BCLAF1: variants seen among roughly 807,000 people sequenced by gnomAD.
BCLAF1 encodes the protein BCL2 associated transcription factor 1, also known as bcl-2-associated transcription factor 1.
Under a neutral mutation model 99.5 loss-of-function variants are expected in BCLAF1, and 10 were observed. That is an observed-to-expected ratio of 0.10 (90% CI 0.06 to 0.17). The LOEUF (loss-of-function observed/expected upper bound fraction) is 0.17. Ranked by LOEUF, BCLAF1 falls within the 10% of genes least tolerant of loss-of-function variation. BCLAF1 has a pLI of 1.00. For missense variants in BCLAF1, 636 were observed against 1,105.8 expected (o/e 0.58, Z 6.02); for synonymous variants, 255 against 370.9 (o/e 0.69, Z 3.59).
Position 136,258,092 on chromosome 6 carries a change from T to C in BCLAF1, c.*3018A>G, listed in dbSNP as rs1249533130. On this transcript the variant is annotated 3_prime_UTR_variant, in exon 13 of 13. Transcript: ENST00000531224. ...TGAGTCAAAATGTGTCAGTTTGTCT[T>C]AGTACACAAATTTCTGTGAAAATGC... 1 of 152,124 alleles carries C rather than the reference T, an allele frequency of 6.6e-6. No homozygotes were observed. The highest frequency in any genetic ancestry group is 1.5e-5 in the Non-Finnish European group (1 of 67,944). 9.4% of individuals were successfully genotyped at this position (152,124 alleles called of 1,614,324 possible).
Position 136,256,715 on chromosome 6 carries a change from A to T in BCLAF1, c.*4395T>A. 6.3e-6 allele frequency: 1 copy of T among 159,512 alleles called. No homozygotes were observed. The highest frequency in any genetic ancestry group is 1.3e-5 in the Non-Finnish European group (1 of 75,828). 9.9% of individuals were successfully genotyped at this position (159,512 alleles called of 1,614,324 possible). The stretch of plus-strand genomic sequence containing the variant: ...AATAAATAAATAAATAAATAATTCA[A>T]AGTGCATTTAACATTCTTTTTCACG... On this transcript the variant is annotated 3_prime_UTR_variant, in exon 13 of 13. Coordinates refer to ENST00000531224, the MANE Select transcript of BCLAF1 (RefSeq NM_014739.3).
Position 136,259,662 on chromosome 6 carries a change from A to T in BCLAF1, c.*1448T>A, listed in dbSNP as rs1780734986. The T allele has an allele frequency of 6.6e-6, 1 of 152,050 alleles. No individual in the cohort carries two copies. Among genetic ancestry groups the T allele is most frequent in the Non-Finnish European group, 1.5e-5 (1 of 67,910 alleles). 9.4% of individuals were successfully genotyped at this position (152,050 alleles called of 1,614,324 possible). A position where few individuals can be genotyped will look rare whatever the true frequency, so the allele number is the denominator to read the frequency against. On this transcript the variant is annotated 3_prime_UTR_variant, in exon 13 of 13. Transcript: ENST00000531224. ...GTTTTGTTTCCAACAGTTCTTAACC[A>T]ATGTTCCTGGCTGTAATCTAGGTGC...
intron 8 of BCLAF1, among the ~76,000 whole-genome samples, chr6:136,270,801 T>G (rs1782404893): frequency 6.6e-6 from 1 of 151,846 alleles, no homozygotes; most frequent in Non-Finnish European, 1.5e-5. Context: ...AAATCTGGTC[T>G]ATGTAATGAG....
chr6:136,281,012 G>A (rs1033422497), intron 2 of BCLAF1, among the ~76,000 whole-genome samples: 3 of 151,950 alleles, frequency 2.0e-5, no homozygotes, highest in South Asian at 2.1e-4. Context: ...GACTTTGTTC[G>A]GTATAATAAA....
chr6:136,280,105 C>T (rs1040232811), intron 2 of BCLAF1, among the ~76,000 whole-genome samples: 1 of 152,084 alleles, frequency 6.6e-6, no homozygotes, highest in Admixed American at 6.5e-5. Flanking sequence ...AAGATTTTTA[C>T]GGACTGCCCC....
chr6:136,264,332 G>C (rs1218534519), intron 11 of BCLAF1, among the ~76,000 whole-genome samples: 1 of 151,922 alleles, frequency 6.6e-6, no homozygotes, highest in Non-Finnish European at 1.5e-5. Context: ...TCAGCCTCCC[G>C]AGTAGTTGGG....
At chr6:136,284,099 T>C (rs1784747388) in intron 1 of BCLAF1, among the ~76,000 whole-genome samples, 2 of 139,264 alleles carry the variant, frequency 1.4e-5, no homozygotes, top group Admixed American at 1.5e-4. Flanking sequence ...CTAATTTATA[T>C]ATATATATAC....
Position 136,258,214 on chromosome 6 carries a change from CTA to C in BCLAF1, c.*2894_*2895del, listed in dbSNP as rs1780576416. On this transcript the variant is annotated 3_prime_UTR_variant, in exon 13 of 13. Coordinates refer to ENST00000531224, the MANE Select transcript of BCLAF1 (RefSeq NM_014739.3). Reference sequence around the variant, plus strand: ...ATTCTTTTTACTTATTTACTAGCTACTATGTTTTTAGAAAGAGAAGTAATCAC... The same window carrying C: ...ATTCTTTTTACTTATTTACTAGCTACTGTTTTTAGAAAGAGAAGTAATCAC... 6.6e-6 allele frequency: 1 copy of C among 151,932 alleles called. No individual in the cohort carries two copies. The allele number at this position is 151,932 out of a possible 1,614,324, so 9.4% of individuals were successfully genotyped here. A position where few individuals can be genotyped will look rare whatever the true frequency, so the allele number is the denominator to read the frequency against.
chr6:136,285,349 T>C (rs1465494433), intron 1 of BCLAF1, among the ~76,000 whole-genome samples: 1 of 152,120 alleles, frequency 6.6e-6, no homozygotes, highest in Non-Finnish European at 1.5e-5. Flanking sequence ...GCCCTTAAAT[T>C]CTAGGTTTTA....
intron 8 of BCLAF1, 168 bp from the exon 9 acceptor site, chr6:136,269,780 T>C (rs1248173342): frequency 2.2e-6 from 1 of 465,050 alleles, no homozygotes; most frequent in Non-Finnish European, 3.6e-6. Context: ...AAAAATGTAC[T>C]TGACTATTTT....
intron 7 of BCLAF1, 36 bp downstream of exon 7, chr6:136,273,046 C>T (rs1451949319): frequency 1.3e-6 from 2 of 1,520,628 alleles, no homozygotes. Flanking sequence ...CCTATCAAAA[C>T]AACGTTTTTA....
rs1317840983 is a variant in BCLAF1 at position 136,278,209 on chromosome 6, T to C, written c.672A>G (p.Arg224=). Residue 224 remains arginine (R), a synonymous_variant, in exon 4 of 13, where the codon AGA becomes AGG. Coordinates refer to ENST00000531224, the MANE Select transcript of BCLAF1 (RefSeq NM_014739.3). ...CAATAGGTGAAGGACTATGGGGTGA[T>C]CTAGGACTATTATCATAAGCTGAAA... ...PGLSAYDNSP[R]SPHSPSPIAT... is the part of the protein sequence containing the mutation. The C allele has an allele frequency of 1.9e-6, 3 of 1,614,156 alleles. No individual in the cohort carries two copies. The highest frequency in any genetic ancestry group is 1.7e-5 in the Admixed American group (1 of 59,982).
chr6:136,285,494 T>TC (rs1307816055), intron 1 of BCLAF1, among the ~76,000 whole-genome samples: 1 of 152,208 alleles, frequency 6.6e-6, no homozygotes, highest in African/African-American at 2.4e-5. Flanking sequence ...TCCGGTGCTC[T>TC]CTCTTCAATA....
rs35195968 is a variant in BCLAF1 at position 136,256,669 on chromosome 6, C to CAATAAATA, written c.*4433_*4440dup. 13,410 of 152,504 alleles carry CAATAAATA rather than the reference C, an allele frequency of 0.088. 668 individuals carry two copies. The highest frequency in any genetic ancestry group is 0.1 in the African/African-American group (4,099 of 39,240). 9.4% of individuals were successfully genotyped at this position (152,504 alleles called of 1,614,324 possible). A position where few individuals can be genotyped will look rare whatever the true frequency, so the allele number is the denominator to read the frequency against. ...CTCTAGTCTGGGTAAGACTCCATCT[C>CAATAAATA]AATAAATAAATAAATAAATAAATAA... On this transcript the variant is annotated 3_prime_UTR_variant, in exon 13 of 13. Transcript: ENST00000531224.
Position 136,273,119 on chromosome 6 carries a change from C to T in BCLAF1, c.1921G>A (p.Glu641Lys). 6.2e-7 allele frequency: 1 copy of T among 1,612,158 alleles called. No homozygotes were observed. Residue 641 changes from glutamate (E) to lysine (K), a missense_variant, in exon 7 of 13, where the codon GAA becomes AAA. Coordinates refer to ENST00000531224, the MANE Select transcript of BCLAF1 (RefSeq NM_014739.3). ...RFTSYQKATE[E>K]HSTRQKSPEI... Reference sequence around the variant, plus strand: ...GGGCTCTTTTGCCGAGTACTATGTTCTTCAGTGGCTTTCTGATACGAAGTG... The same window carrying T: ...GGGCTCTTTTGCCGAGTACTATGTTTTTCAGTGGCTTTCTGATACGAAGTG...
intron 3 of BCLAF1, 93 bp from the exon 4 acceptor site, chr6:136,278,869 G>A (rs1783959009): frequency 1.6e-6 from 2 of 1,219,142 alleles, no homozygotes; most frequent in East Asian, 2.6e-5. Context: ...TAAATAAACA[G>A]TAAAGGCAAA....
rs1166450628 is a variant in BCLAF1 at position 136,278,755 on chromosome 6, T to C, written c.126A>G (p.Thr42=). Residue 42 remains threonine, a synonymous_variant, in exon 4 of 13, where the codon ACA becomes ACG. Coordinates refer to ENST00000531224, the MANE Select transcript of BCLAF1 (RefSeq NM_014739.3). ...GATCTCTACTACGAGACCTTGAATA[T>C]GTTCTGGAACGAGACCTAGAACTAA... ...KRYSSRSRSR[T]YSRSRSRDRM... 7.0e-6 allele frequency: 11 copies of C among 1,564,830 alleles called. No homozygotes were observed. Among genetic ancestry groups the C allele is most frequent in the East Asian group, 2.2e-5 (1 of 44,532 alleles).
chr6:136,286,666 T>C (rs1785173685), intron 1 of BCLAF1, among the ~76,000 whole-genome samples: 2 of 152,200 alleles, frequency 1.3e-5, no homozygotes, highest in Admixed American at 6.5e-5. Context: ...GAAGTCTTTC[T>C]AGACATGCTT....
In BCLAF1 at chr6:136,264,904, A is replaced by G. The variant is rs374599490; in HGVS notation, c.2544+2125T>C. ...ACATGTAAAAATATTACTGCTACTTATAAGTGGCTAAATTCTTAAAATAAG... is the reference window on the plus strand; with the variant it reads ...ACATGTAAAAATATTACTGCTACTTGTAAGTGGCTAAATTCTTAAAATAAG... On this transcript the variant is annotated intron_variant, in intron 11 of 12. Transcript: ENST00000531224. 3.0e-4 allele frequency among the ~76,000 whole-genome samples: 46 copies of G among 152,354 alleles called. No homozygotes were observed. In the South Asian group the frequency reaches 8.7e-3, roughly 29 times the overall value.
Sources: allele counts gnomAD v4.1 joint callset (sites outside exome capture counted in the v4.1 genomes callset), GRCh38; gene constraint gnomAD v4.1.1; transcripts MANE v1.5; gene names NCBI Gene and HGNC (gene_info 2026-07-23, HGNC 2026-07-21).